The following FLNB variants were observed in gnomAD, a reference collection of about 807,000 sequenced individuals.
FLNB encodes filamin B.
FLNB carries 111 observed loss-of-function variants against 250.6 expected under a neutral mutation model. The ratio of observed to expected loss-of-function variants is 0.44; its 90% CI spans 0.38 to 0.52. The LOEUF (loss-of-function observed/expected upper bound fraction) is 0.52. FLNB is among the 20% of genes least tolerant of loss of function. The probability of loss-of-function intolerance (pLI) is 0.00; values close to 1 mark genes in which losing one functional copy is unlikely to be tolerated. For synonymous variants in FLNB, 1,302 were observed against 1,372.1 expected (o/e 0.95, Z 1.13); for missense variants, 2,869 against 3,447.8 (o/e 0.83, Z 4.20).
Position 58,126,769 on chromosome 3 carries a change from T to A in FLNB, c.4222+7T>A. 1 of 1,613,028 alleles carries A rather than the reference T, an allele frequency of 6.2e-7. No individual in the cohort carries two copies. The highest frequency in any genetic ancestry group is 8.5e-7 in the Non-Finnish European group (1 of 1,179,150). On this transcript the variant is annotated splice_region_variant and intron_variant, in intron 24 of 45. Transcript: ENST00000295956. ...GGAGGAGCCCACATCCCCGGTGAGC[T>A]ATTCCTCAGAGAGGACCCCAGAGAA...
At position 58,146,912 on chromosome 3, in the gene FLNB, A is replaced by C. The variant is rs2097336651; in HGVS notation, c.5647A>C (p.Thr1883Pro). Residue 1883 changes from threonine to proline, a missense_variant, in exon 34 of 46, where the codon ACT becomes CCT. Around this residue, in one of 5 missense-constraint regions of FLNB, gnomAD observed 1,084 missense variants for 1,315.5 expected, o/e 0.82. Coordinates refer to ENST00000295956, the MANE Select transcript of FLNB (RefSeq NM_001457.4). ...GACATGCACAGTGACCTACCTGCCGACTCTGCCAGGCGACTACAGCATTCT... is the reference window on the plus strand; with the variant it reads ...GACATGCACAGTGACCTACCTGCCGCCTCTGCCAGGCGACTACAGCATTCT... Reference protein sequence around the residue: ...DGTCTVTYLPTLPGDYSILVK... With the variant: ...DGTCTVTYLPPLPGDYSILVK... The C allele has an allele frequency of 6.2e-7, 1 of 1,614,054 alleles. No homozygotes were observed. The highest frequency in any genetic ancestry group is 2.2e-5 in the East Asian group (1 of 44,870).
intron 1 of FLNB, among the ~76,000 whole-genome samples, chr3:58,026,664 C>T (rs139513080): frequency 5.1e-4 from 78 of 152,218 alleles, no homozygotes; most frequent in African/African-American, 1.8e-3. Context: ...TTAGTCTTTG[C>T]CCTGATGGAT....
Position 58,102,263 on chromosome 3 carries a change from T to A in FLNB, c.1406T>A (p.Ile469Asn). 1 of 1,614,210 alleles carries A rather than the reference T, an allele frequency of 6.2e-7. No homozygotes were observed. Among genetic ancestry groups the A allele is most frequent in the Non-Finnish European group, 8.5e-7 (1 of 1,180,030 alleles). ...GRGLQPKGVR[I>N]RETTDFKVDT... ...GGCCTACAACCCAAAGGCGTCCGTA[T>A]CCGGGAGACCACAGATTTCAAGGTT... The change falls in exon 9 of 46, where the codon ATC (isoleucine) becomes AAC (asparagine). Residue 469 changes from isoleucine to asparagine, a missense_variant. Physicochemically the swap from Ile to Asn is moderately radical, Grantham distance 149. This residue lies in a region of FLNB where 1,348 missense variants were observed against 1,466.7 expected (regional missense o/e 0.92). Transcript: ENST00000295956.
chr3:58,012,539 G>A (rs1247012299), intron 1 of FLNB, among the ~76,000 whole-genome samples: 2 of 152,184 alleles, frequency 1.3e-5, no homozygotes, highest in African/African-American at 4.8e-5. Context: ...AGGTTTGCAA[G>A]TCTTAGGTGT....
chr3:58,136,051 C>G lies in FLNB; in HGVS notation c.4744C>G (p.Pro1582Ala). The change falls in exon 28 of 46, where the codon CCC (proline) becomes GCC (alanine). Residue 1582 changes from proline to alanine, a missense_variant. Coordinates refer to ENST00000295956, the MANE Select transcript of FLNB (RefSeq NM_001457.4). ...TGGCACGTATGCTGTCACCTACATC[C>G]CCGACAAGACTGGGCGCTATATGAT... is the stretch of plus-strand genomic sequence containing the variant. ...KDGTYAVTYIPDKTGRYMIGV... is the reference protein window; with the variant it reads ...KDGTYAVTYIADKTGRYMIGV... The G allele has an allele frequency of 2.5e-6, 4 of 1,614,218 alleles. No homozygotes were observed. The highest frequency in any genetic ancestry group is 3.4e-6 in the Non-Finnish European group (4 of 1,180,038).
At chr3:58,136,254 A>G in intron 28 of FLNB, 86 bp downstream of exon 28, 1 of 1,373,972 alleles carries the variant, frequency 7.3e-7, no homozygotes, top group Non-Finnish European at 1.0e-6. Flanking sequence ...CTTACAAGCT[A>G]CATGATCTGG....
intron 39 of FLNB, chr3:58,154,462 T>A: frequency 3.5e-6 from 1 of 288,066 alleles, no homozygotes; most frequent in Non-Finnish European, 6.7e-6. Context: ...GGAGAATTGC[T>A]TGAACACAGG....
At chr3:58,065,711 A>G (rs2097184512) in intron 1 of FLNB, among the ~76,000 whole-genome samples, 1 of 152,120 alleles carries the variant, frequency 6.6e-6, no homozygotes, top group African/African-American at 2.4e-5. Flanking sequence ...GCCTTCACCC[A>G]TCACTCTTTT....
At chr3:58,087,121 C>G (rs1254970779) in intron 4 of FLNB, among the ~76,000 whole-genome samples, 1 of 151,842 alleles carries the variant, frequency 6.6e-6, no homozygotes, top group East Asian at 1.9e-4. Context: ...AACAAACAAA[C>G]AAACAAATAA....
intron 22 of FLNB, among the ~76,000 whole-genome samples, chr3:58,125,114 A>G (rs1473225274): frequency 1.3e-5 from 2 of 152,124 alleles, no homozygotes; most frequent in African/African-American, 4.8e-5. Context: ...AAGTCAGATC[A>G]TACCTACATT....
rs1191502134 is a variant in FLNB, at chr3:58,164,993, A to T, written c.7198+1663A>T. On this transcript the variant is annotated intron_variant, in intron 43 of 45. Transcript: ENST00000295956. The surrounding 1 kb of genome is among the most constrained non-coding windows in gnomAD (Gnocchi z 4.0). Reference sequence around the variant, plus strand: ...ACTGCATCCCCAGCCCACTTTGGGGATGTCCTAAACCAGGACCCCTGTCCT... The same window carrying T: ...ACTGCATCCCCAGCCCACTTTGGGGTTGTCCTAAACCAGGACCCCTGTCCT... The T allele has an allele frequency of 4.6e-5, 7 of 152,272 alleles. No homozygotes were observed. The highest frequency in any genetic ancestry group is 4.6e-4 in the Admixed American group (7 of 15,284). The allele number at this position is 152,272 out of a possible 1,614,324, so 9.4% of individuals were successfully genotyped here. A position where few individuals can be genotyped will look rare whatever the true frequency, so the allele number is the denominator to read the frequency against.
rs116523438 is a variant in FLNB at position 58,130,504 on chromosome 3, G to T, written c.4223-237G>T. Among the ~76,000 whole-genome samples, 329 of 152,242 alleles carry T rather than the reference G, an allele frequency of 2.2e-3. 3 individuals carry two copies. Among genetic ancestry groups the T allele is most frequent in the African/African-American group, 7.6e-3 (315 of 41,528 alleles). The stretch of plus-strand genomic sequence containing the variant: ...TTCTCCTGCAGTTGTGGGTTCCTGG[G>T]GGGTGTTAACCGCTCAGGATCCAGC... On this transcript the variant is annotated intron_variant, in intron 24 of 45. Transcript: ENST00000295956.
At chr3:58,130,022 G>T (rs532799072) in intron 24 of FLNB, among the ~76,000 whole-genome samples, 1 of 152,220 alleles carries the variant, frequency 6.6e-6, no homozygotes, top group Non-Finnish European at 1.5e-5. Context: ...CCCCCGGGGG[G>T]TCAGCCATGT....
At chr3:58,134,840 A>G (rs889060789) in intron 27 of FLNB, 68 bp downstream of exon 27, 2 of 1,470,352 alleles carry the variant, frequency 1.4e-6, no homozygotes, top group Admixed American at 1.7e-5. Flanking sequence ...AGATTTAAGA[A>G]CAAGGGTTTC....
At chr3:58,099,090 T>A (rs979750543) in intron 8 of FLNB, among the ~76,000 whole-genome samples, 182 bp downstream of exon 8, 1 of 152,196 alleles carries the variant, frequency 6.6e-6, no homozygotes, top group South Asian at 2.1e-4. Context: ...TAATATCTTC[T>A]ATGAGCCACG....
At chr3:58,091,255 G>T (rs774365548) in intron 4 of FLNB, among the ~76,000 whole-genome samples, 3 of 152,136 alleles carry the variant, frequency 2.0e-5, no homozygotes, top group Non-Finnish European at 2.9e-5. Context: ...TTTTGAGAAA[G>T]AAGTACAACA....
intron 1 of FLNB, among the ~76,000 whole-genome samples, chr3:58,075,387 G>C (rs2097200267): frequency 6.6e-6 from 1 of 152,190 alleles, no homozygotes; most frequent in African/African-American, 2.4e-5. Context: ...CCCACAGGAG[G>C]ATGGGTGAAG....
intron 1 of FLNB, among the ~76,000 whole-genome samples, chr3:58,017,443 A>C (rs1322176104): frequency 6.6e-6 from 1 of 151,960 alleles, no homozygotes; most frequent in East Asian, 1.9e-4. Context: ...AGTAGAGATG[A>C]GGTTTCTCCA....
At chr3:58,160,069 T>C (rs558555021) in intron 42 of FLNB, among the ~76,000 whole-genome samples, 1 of 152,130 alleles carries the variant, frequency 6.6e-6, no homozygotes, top group South Asian at 2.1e-4. Context: ...AAAAAACACA[T>C]ACACACAACA....
Sources: gnomAD v4.1 joint callset for allele counts (sites outside exome capture counted in the v4.1 genomes callset) on GRCh38, gnomAD v4.1.1 for gene constraint, gnomAD v4.1.1 regional missense constraint, Gnocchi (gnomAD v3.1) non-coding constraint, MANE v1.5 for transcripts, NCBI Gene and HGNC (gene_info 2026-07-23, HGNC 2026-07-21) for gene names.